The following CSGALNACT1 variants were observed in gnomAD, a reference collection of about 807,000 sequenced individuals.
CSGALNACT1 encodes beta4GalNAcT-1.
In CSGALNACT1, 52 loss-of-function variants were observed where a neutral mutation model predicts 51.0. The ratio of observed to expected loss-of-function variants is 1.02; its 90% CI spans 0.82 to 1.29. The LOEUF (loss-of-function observed/expected upper bound fraction) is 1.29, where lower values mean the gene tolerates loss of function less well. Ranked by LOEUF, CSGALNACT1 falls within the 50% of genes most tolerant of loss-of-function variation. The probability of loss-of-function intolerance (pLI) is 0.00; values close to 1 mark genes in which losing one functional copy is unlikely to be tolerated. For synonymous variants in CSGALNACT1, 341 were observed against 254.4 expected, an observed-to-expected ratio of 1.34 and a Z score of -3.24; for missense variants, 935 against 679.2, an observed-to-expected ratio of 1.38 and a Z score of -4.19.
chr8:19,739,353 T>C (rs530770413), intron 1 of CSGALNACT1, among the ~76,000 whole-genome samples: 3 of 152,302 alleles, frequency 2.0e-5, no homozygotes, highest in Admixed American at 2.0e-4. Context: ...AGCTAGGATC[T>C]GTACAGGTAG....
At chr8:19,474,744 T>C (rs1164672242) in intron 4 of CSGALNACT1, among the ~76,000 whole-genome samples, 2 of 151,710 alleles carry the variant, frequency 1.3e-5, no homozygotes, top group Non-Finnish European at 2.9e-5. Context: ...GGCACAGGCC[T>C]GTAATCCCAG....
intron 4 of CSGALNACT1, among the ~76,000 whole-genome samples, chr8:19,503,940 C>A (rs2076848322): frequency 6.6e-6 from 1 of 152,154 alleles, no homozygotes; most frequent in Non-Finnish European, 1.5e-5. Context: ...CCAAAGAACA[C>A]AGGCATGAAC....
At chr8:19,741,560 CAAAAAAAA>C (rs71545567) in intron 1 of CSGALNACT1, among the ~76,000 whole-genome samples, 1 of 108,824 alleles carries the variant, frequency 9.2e-6, no homozygotes, top group Admixed American at 1.0e-4. Context: ...GAGACTCCAT[CAAAAAAAA>C]AAAAAAAAAA....
At chr8:19,632,637 C>A (rs2055434965) in intron 1 of CSGALNACT1, among the ~76,000 whole-genome samples, 1 of 152,350 alleles carries the variant, frequency 6.6e-6, no homozygotes, top group South Asian at 2.1e-4. Flanking sequence ...CAACATCGAA[C>A]ATAAGAAACT....
At chr8:19,415,226 G>C (rs539893423) in intron 8 of CSGALNACT1, among the ~76,000 whole-genome samples, 1 of 152,166 alleles carries the variant, frequency 6.6e-6, no homozygotes, top group Admixed American at 6.5e-5. Flanking sequence ...TAATGAAAGC[G>C]TTTCATTTCT....
chr8:19,523,652 A>G (rs1203696163), intron 3 of CSGALNACT1, among the ~76,000 whole-genome samples: 1 of 152,166 alleles, frequency 6.6e-6, no homozygotes, highest in African/African-American at 2.4e-5. Flanking sequence ...ATAATGTTAT[A>G]AACAATGTGA....
At chr8:19,521,483 G>C (rs959071220) in intron 3 of CSGALNACT1, among the ~76,000 whole-genome samples, 3 of 152,172 alleles carry the variant, frequency 2.0e-5, no homozygotes, top group Non-Finnish European at 2.9e-5. Flanking sequence ...AGGAGTTTGA[G>C]AACAGCCTGG....
exon 10 of CSGALNACT1, chr8:19,405,403 G>C (rs1184178406): frequency 2.2e-6 from 1 of 463,348 alleles, no homozygotes; most frequent in Admixed American, 2.3e-5. Flanking sequence ...GGAGAAATAT[G>C]CTTGCCTTTC....
intron 6 of CSGALNACT1, among the ~76,000 whole-genome samples, chr8:19,431,637 G>A (rs184771711): frequency 3.5e-4 from 53 of 151,894 alleles, no homozygotes; most frequent in African/African-American, 1.3e-3. Flanking sequence ...TCCTTGTTCT[G>A]TCTTTGTCTG....
chr8:19,533,108 CGTTTTTGTTTTT>C (rs573049153), intron 3 of CSGALNACT1, among the ~76,000 whole-genome samples: 5 of 151,830 alleles, frequency 3.3e-5, no homozygotes, highest in East Asian at 1.9e-4. Context: ...AGCAGTTTGA[CGTTTTTGTTTTT>C]GTTTTTGTTT....
At chr8:19,502,579 T>C (rs999622290) in intron 4 of CSGALNACT1, among the ~76,000 whole-genome samples, 1 of 152,206 alleles carries the variant, frequency 6.6e-6, no homozygotes, top group Admixed American at 6.5e-5. Context: ...TCTCAAAGTG[T>C]GGAGAACTCC....
intron 1 of CSGALNACT1, among the ~76,000 whole-genome samples, chr8:19,725,425 CTT>C (rs749829348): frequency 1.4e-4 from 19 of 136,096 alleles, no homozygotes; most frequent in Admixed American, 1.5e-4. Flanking sequence ...TTTCTTTTTT[CTT>C]TTTTTTTTTT....
rs765914319 is a variant in CSGALNACT1, at chr8:19,505,271, C to T, written c.564G>A (p.Leu188=). ...TCTCTGCAGGACTGTTCAGGGTCTCCAAGGCTGATTCAATGGCTTCCACCA... is the reference window on the plus strand; with the variant it reads ...TCTCTGCAGGACTGTTCAGGGTCTCTAAGGCTGATTCAATGGCTTCCACCA... The change falls in exon 4 of 10, where the codon TTG becomes TTA. Residue 188 remains leucine, a synonymous_variant. Coordinates refer to ENST00000454498, the Ensembl canonical transcript of CSGALNACT1. The T allele has an allele frequency of 1.4e-5, 23 of 1,614,172 alleles. No homozygotes were observed. In the South Asian group the frequency reaches 2.5e-4, roughly 18 times the overall value.
At chr8:19,430,356 T>C (rs6983973) in intron 6 of CSGALNACT1, among the ~76,000 whole-genome samples, 70,447 of 152,026 alleles carry the variant, frequency 0.46, 17,882 homozygotes, top group East Asian at 0.84. Flanking sequence ...TTGATCCATT[T>C]TGACTTCAAG....
intron 4 of CSGALNACT1, chr8:19,495,192 C>T (rs4273861): frequency 0.6 from 90,512 of 152,014 alleles, 27,419 homozygotes; most frequent in East Asian, 0.84. Flanking sequence ...ACATGTTCCC[C>T]TTCTTTAGGT....
At chr8:19,646,109 G>A in intron 1 of CSGALNACT1, among the ~76,000 whole-genome samples, 1 of 152,178 alleles carries the variant, frequency 6.6e-6, no homozygotes, top group Admixed American at 6.5e-5. Context: ...TGAACACAAA[G>A]AGTGAAGAAG....
At chr8:19,583,622 G>T (rs2046034516) in intron 3 of CSGALNACT1, among the ~76,000 whole-genome samples, 1 of 152,132 alleles carries the variant, frequency 6.6e-6, no homozygotes, top group Admixed American at 6.6e-5. Context: ...CAACATAGCA[G>T]CAGAGAAGTA....
At chr8:19,597,293 T>A in intron 2 of CSGALNACT1, among the ~76,000 whole-genome samples, 1 of 126,234 alleles carries the variant, frequency 7.9e-6, no homozygotes, top group East Asian at 2.3e-4. Context: ...TTCTTTTTTT[T>A]TTTTTTTTTT....
chr8:19,490,509 C>T (rs6998334), intron 4 of CSGALNACT1, among the ~76,000 whole-genome samples: 120,611 of 152,182 alleles, frequency 0.79, 47,937 homozygotes, highest in East Asian at 0.85. Flanking sequence ...GGGACTCTGA[C>T]GGAGAACACC....
Sources: allele counts gnomAD v4.1 joint callset (sites outside exome capture counted in the v4.1 genomes callset), GRCh38; gene constraint gnomAD v4.1.1; transcripts MANE v1.5; gene names NCBI Gene and HGNC (gene_info 2026-07-23, HGNC 2026-07-21).